Variants in SLCO3A1 observed in about 807,000 individuals in gnomAD.
SLCO3A1 encodes the protein solute carrier organic anion transporter family member 3A1, also known as PGE1 transporter.
In SLCO3A1, 27 loss-of-function variants were observed where a neutral mutation model predicts 63.1. The ratio of observed to expected loss-of-function variants is 0.43; its 90% CI spans 0.32 to 0.59. The LOEUF (loss-of-function observed/expected upper bound fraction) is 0.59, where lower values mean the gene tolerates loss of function less well. Ranked by LOEUF, SLCO3A1 falls within the 20% of genes least tolerant of loss-of-function variation. SLCO3A1 has a pLI of 0.09. For missense variants in SLCO3A1, 773 were observed against 945.8 expected (o/e 0.82, Z 2.40); for synonymous variants, 473 against 409.9 (o/e 1.15, Z -1.86).
At chr15:92,098,190 G>A (rs2047563002) in intron 3 of SLCO3A1, 2 of 152,532 alleles carry the variant, frequency 1.3e-5, no homozygotes, top group Admixed American at 1.3e-4. Flanking sequence ...AGCATTGAGA[G>A]GAGAATCCAG....
At chr15:92,155,567 T>G (rs369369049) in intron 9 of SLCO3A1, among the ~76,000 whole-genome samples, 25 of 152,238 alleles carry the variant, frequency 1.6e-4, no homozygotes, top group African/African-American at 6.0e-4. Flanking sequence ...ACATTCAGAA[T>G]TCTGCTTTAG....
chr15:91,899,101 G>A (rs991060707), intron 1 of SLCO3A1, among the ~76,000 whole-genome samples: 1 of 152,194 alleles, frequency 6.6e-6, no homozygotes, highest in Non-Finnish European at 1.5e-5. Flanking sequence ...GAATCTCCCA[G>A]AGGGTTTCAA....
chr15:92,145,409 G>A (rs1446538729), intron 7 of SLCO3A1, among the ~76,000 whole-genome samples: 2 of 138,488 alleles, frequency 1.4e-5, no homozygotes, highest in African/African-American at 5.4e-5. Flanking sequence ...GTATTCTAAA[G>A]CTGTATGCTT....
chr15:92,051,688 C>G (rs1287288899), intron 2 of SLCO3A1, among the ~76,000 whole-genome samples: 1 of 152,090 alleles, frequency 6.6e-6, no homozygotes, highest in Admixed American at 6.5e-5. Flanking sequence ...ACGTGACCGT[C>G]TTGTGTGTGC....
intron 2 of SLCO3A1, among the ~76,000 whole-genome samples, chr15:92,007,640 C>T (rs2046327131): frequency 6.6e-6 from 1 of 152,108 alleles, no homozygotes; most frequent in Non-Finnish European, 1.5e-5. Context: ...GAACCTCTCG[C>T]AGATTTTTAG....
chr15:92,145,120 G>A (rs1293590389), intron 7 of SLCO3A1, among the ~76,000 whole-genome samples: 3 of 152,172 alleles, frequency 2.0e-5, no homozygotes, highest in Non-Finnish European at 2.9e-5. Context: ...GGAGCTCCGG[G>A]GAGAGAAAAA....
At chr15:91,993,940 A>C (rs1006554486) in intron 2 of SLCO3A1, among the ~76,000 whole-genome samples, 1 of 152,120 alleles carries the variant, frequency 6.6e-6, no homozygotes, top group Non-Finnish European at 1.5e-5. Flanking sequence ...ACCAGCCCCA[A>C]CTTTCCAGCC....
At chr15:91,973,030 G>A (rs558843075) in intron 2 of SLCO3A1, among the ~76,000 whole-genome samples, 71 of 152,300 alleles carry the variant, frequency 4.7e-4, no homozygotes, top group African/African-American at 1.7e-3. Context: ...CAGGAGAATC[G>A]CTTGAACCCG....
intron 8 of SLCO3A1, chr15:92,149,700 C>G (rs1182644241): frequency 6.6e-6 from 1 of 152,184 alleles, no homozygotes; most frequent in Non-Finnish European, 1.5e-5. Context: ...AAGGATTCTT[C>G]TTCTCATAGG....
intron 2 of SLCO3A1, among the ~76,000 whole-genome samples, chr15:92,062,171 A>G (rs1302515093): frequency 1.3e-5 from 2 of 152,226 alleles, no homozygotes; most frequent in Non-Finnish European, 2.9e-5. Context: ...CTGTACTAGG[A>G]CAGCAAACAC....
chr15:92,101,236 CA>C (rs2047601310), intron 3 of SLCO3A1, among the ~76,000 whole-genome samples: 1 of 152,170 alleles, frequency 6.6e-6, no homozygotes, highest in Non-Finnish European at 1.5e-5. Flanking sequence ...TAGCTGGGCA[CA>C]GTGGTTCACA....
intron 2 of SLCO3A1, among the ~76,000 whole-genome samples, chr15:91,988,232 G>A (rs1028167201): frequency 7.2e-5 from 11 of 151,926 alleles, no homozygotes; most frequent in African/African-American, 2.4e-4. Flanking sequence ...GCGAAACCTC[G>A]TCTCTACAAA....
Position 91,916,481 on chromosome 15 carries a change from T to A in SLCO3A1, c.646+23T>A, listed in dbSNP as rs1160337292. On this transcript the variant is annotated intron_variant, in intron 2 of 9. Coordinates refer to ENST00000318445, the MANE Select transcript of SLCO3A1 (RefSeq NM_013272.4). The surrounding 1 kb of genome is among the most constrained non-coding windows in gnomAD (Gnocchi z 6.2). ...TAGGTAGGAGCTGCCCCAGCCGTAT[T>A]AGCAAGAGACCAGGGTGTGTTGACC... 2 of 1,536,930 alleles carry A rather than the reference T, an allele frequency of 1.3e-6. No individual in the cohort carries two copies. Among genetic ancestry groups the A allele is most frequent in the Non-Finnish European group, 1.8e-6 (2 of 1,131,398 alleles).
intron 2 of SLCO3A1, among the ~76,000 whole-genome samples, chr15:91,955,214 T>C (rs10852164): frequency 0.35 from 52,619 of 152,074 alleles, 9,374 homozygotes; most frequent in East Asian, 0.38. Flanking sequence ...AGTTAAACAC[T>C]GCACACAAGG....
intron 2 of SLCO3A1, among the ~76,000 whole-genome samples, chr15:91,987,197 C>T (rs572291745): frequency 6.6e-6 from 1 of 152,242 alleles, no homozygotes; most frequent in Admixed American, 6.5e-5. Flanking sequence ...GAACAAAACC[C>T]AGTTCTTTGC....
At chr15:91,888,095 C>T (rs1313255654) in intron 1 of SLCO3A1, among the ~76,000 whole-genome samples, 1 of 152,148 alleles carries the variant, frequency 6.6e-6, no homozygotes, top group Non-Finnish European at 1.5e-5. Flanking sequence ...TTTAATTATG[C>T]TCTTGTTTGT....
chr15:91,948,886 AC>A lies in SLCO3A1; in HGVS notation c.646+32430del, dbSNP rs1232544785. Among the ~76,000 whole-genome samples the A allele has an allele frequency of 6.6e-6, 1 of 150,706 alleles. No homozygotes were observed. The highest frequency in any genetic ancestry group is 1.5e-5 in the Non-Finnish European group (1 of 67,838). On this transcript the variant is annotated intron_variant, in intron 2 of 9. Transcript: ENST00000318445. The surrounding 1 kb of genome is among the most constrained non-coding windows in gnomAD (Gnocchi z 4.8). Reference sequence around the variant, plus strand: ...CCATCCATCCTCAATTCCTTTAATAACCTGAGGAACCTGTCATCCATTTAGG... The same window carrying A: ...CCATCCATCCTCAATTCCTTTAATAACTGAGGAACCTGTCATCCATTTAGG...
chr15:91,878,056 C>T (rs1410254866), intron 1 of SLCO3A1, among the ~76,000 whole-genome samples: 1 of 149,474 alleles, frequency 6.7e-6, no homozygotes, highest in Non-Finnish European at 1.5e-5. Context: ...AAACCATCAT[C>T]AGGTGGCATC....
chr15:91,971,393 T>TAAAAAAAAAAAA (rs1900858430), intron 2 of SLCO3A1, among the ~76,000 whole-genome samples: 1 of 1,852 alleles, frequency 5.4e-4, no homozygotes, highest in African/African-American at 1.7e-3. Flanking sequence ...AGACTCCATC[T>TAAAAAAAAAAAA]CAAAAAAAAA....
Sources: gnomAD v4.1 joint callset for allele counts (sites outside exome capture counted in the v4.1 genomes callset) on GRCh38, gnomAD v4.1.1 for gene constraint, Gnocchi (gnomAD v3.1) non-coding constraint, MANE v1.5 for transcripts, NCBI Gene and HGNC (gene_info 2026-07-23, HGNC 2026-07-21) for gene names.